Variants in CEMIP2 observed in about 807,000 individuals in gnomAD.
CEMIP2 encodes the protein cell migration inducing hyaluronidase 2.
Under a neutral mutation model 146.9 loss-of-function variants are expected in CEMIP2, and 79 were observed. The ratio of observed to expected loss-of-function variants is 0.54; its 90% confidence interval spans 0.45 to 0.65. The LOEUF (loss-of-function observed/expected upper bound fraction) is 0.65. CEMIP2 is among the 30% of genes least tolerant of loss of function. CEMIP2 has a pLI of 0.00. For missense variants in CEMIP2, 1,596 were observed against 1,696.2 expected, an observed-to-expected ratio of 0.94 and a Z score of 1.04; for synonymous variants, 601 against 606.3, an observed-to-expected ratio of 0.99 and a Z score of 0.13.
At chr9:71,696,883 GA>G (rs56785036) in intron 20 of CEMIP2, among the ~76,000 whole-genome samples, 3 of 147,410 alleles carry the variant, frequency 2.0e-5, no homozygotes, top group South Asian at 4.3e-4. Context: ...TATAAATAAT[GA>G]AAAAAAAAAG....
chr9:71,745,015 T>C lies in CEMIP2; in HGVS notation c.1034+3A>G, dbSNP rs1366069534. 1.2e-6 allele frequency: 2 copies of C among 1,611,870 alleles called. No individual in the cohort carries two copies. Among genetic ancestry groups the C allele is most frequent in the Non-Finnish European group, 1.7e-6 (2 of 1,178,918 alleles). ...TAGGGATCTGGGAAGAAGGTATGCC[T>C]ACCTGTAGCCCAGTCCTTGGATCAG... is the stretch of plus-strand genomic sequence containing the variant. On this transcript the variant is annotated splice_donor_region_variant and intron_variant, in intron 4 of 23. Transcript: ENST00000377044.
rs746067673 is a variant in CEMIP2 at position 71,740,145 on chromosome 9, G to A, written c.1122C>T (p.Gly374=). Reference sequence around the variant, plus strand: ...ATTCTCTTTGGGCAAGAGCCTTCCCGCCACTGCTATGATTTTCATAGTTTC... The same window carrying A: ...ATTCTCTTTGGGCAAGAGCCTTCCCACCACTGCTATGATTTTCATAGTTTC... The part of the protein sequence containing the change: ...SVRNYENHSS[G]GKALAQREFY... Residue 374 remains glycine, a synonymous_variant, in exon 5 of 24, where the codon GGC becomes GGT. Transcript: ENST00000377044. The A allele has an allele frequency of 2.5e-5, 41 of 1,613,806 alleles. No homozygotes were observed. Among genetic ancestry groups the A allele is most frequent in the Middle Eastern group, 3.3e-4 (2 of 6,084 alleles).
intron 16 of CEMIP2, among the ~76,000 whole-genome samples, chr9:71,711,393 A>AT (rs1000196147): frequency 6.0e-5 from 7 of 116,116 alleles, no homozygotes; most frequent in Non-Finnish European, 1.2e-4. Flanking sequence ...CCCTTTCTCT[A>AT]TTAAAAAAAA....
At chr9:71,690,272 T>C (rs754582039) in intron 21 of CEMIP2, 26 bp from the exon 22 acceptor site, 1 of 1,606,628 alleles carries the variant, frequency 6.2e-7, no homozygotes, top group East Asian at 2.2e-5. Context: ...CATCTTCTGC[T>C]GTCATCATCA....
chr9:71,728,289 A>ATATATATATACG (rs1554684756), intron 10 of CEMIP2, among the ~76,000 whole-genome samples: 1 of 31,126 alleles, frequency 3.2e-5, no homozygotes, highest in South Asian at 1.7e-3. Flanking sequence ...ATGTATATAT[A>ATATATATATACG]TATATATATA....
intron 21 of CEMIP2, among the ~76,000 whole-genome samples, chr9:71,692,116 A>G (rs1042303670): frequency 1.3e-5 from 2 of 151,330 alleles, no homozygotes; most frequent in Non-Finnish European, 2.9e-5. Flanking sequence ...CTTAAAAAAA[A>G]AAAGAAAAAA....
intron 1 of CEMIP2, among the ~76,000 whole-genome samples, chr9:71,750,913 A>C (rs1364641510): frequency 1.3e-5 from 2 of 151,346 alleles, no homozygotes; most frequent in Non-Finnish European, 2.9e-5. Flanking sequence ...TGATTGGCTA[A>C]TTTTTAAATT....
chr9:71,699,680 C>T (rs1415839922), intron 19 of CEMIP2, among the ~76,000 whole-genome samples: 3 of 152,074 alleles, frequency 2.0e-5, no homozygotes, highest in Non-Finnish European at 2.9e-5. Context: ...CTTGCCTTTC[C>T]CCAAACACGC....
At chr9:71,689,737 T>C (rs1822171483) in intron 22 of CEMIP2, among the ~76,000 whole-genome samples, 2 of 152,182 alleles carry the variant, frequency 1.3e-5, no homozygotes, top group Non-Finnish European at 2.9e-5. Context: ...TATATCAACT[T>C]AATACTAAAA....
intron 1 of CEMIP2, among the ~76,000 whole-genome samples, chr9:71,755,381 A>ACACACACACACACACACAC (rs55856832): frequency 8.0e-5 from 12 of 149,228 alleles, no homozygotes; most frequent in African/African-American, 2.5e-4. Context: ...ACACACACAC[A>ACACACACACACACACACAC]AAATTAAATC....
At chr9:71,710,377 C>G (rs915423413) in intron 16 of CEMIP2, among the ~76,000 whole-genome samples, 1 of 152,206 alleles carries the variant, frequency 6.6e-6, no homozygotes, top group Non-Finnish European at 1.5e-5. Context: ...AAATGATAAG[C>G]AACTCAATGG....
intron 4 of CEMIP2, among the ~76,000 whole-genome samples, chr9:71,741,081 C>T (rs1175010945): frequency 6.6e-6 from 1 of 151,976 alleles, no homozygotes; most frequent in Non-Finnish European, 1.5e-5. Flanking sequence ...GAGTCTTATC[C>T]TTCTTTTATC....
chr9:71,718,085 G>T lies in CEMIP2; in HGVS notation c.2268-6C>A. 1 of 1,587,038 alleles carries T rather than the reference G, an allele frequency of 6.3e-7. No individual in the cohort carries two copies. Among genetic ancestry groups the T allele is most frequent in the Non-Finnish European group, 8.6e-7 (1 of 1,168,234 alleles). Reference sequence around the variant, plus strand: ...CATCCTGATGAGGTCGAAATCTAGGGGTTAAAAAAAGAATTTTAAAAAATA... The same window carrying T: ...CATCCTGATGAGGTCGAAATCTAGGTGTTAAAAAAAGAATTTTAAAAAATA... On this transcript the variant is annotated splice_polypyrimidine_tract_variant and splice_region_variant and intron_variant, in intron 12 of 23. Coordinates refer to ENST00000377044, the MANE Select transcript of CEMIP2 (RefSeq NM_013390.3).
At chr9:71,734,208 G>GGTTTTTTTTT (rs374206725) in intron 6 of CEMIP2, among the ~76,000 whole-genome samples, 25 of 144,232 alleles carry the variant, frequency 1.7e-4, no homozygotes, top group African/African-American at 5.1e-4. Context: ...ATGAGTTTTT[G>GGTTTTTTTTT]TTTTTGTTTT....
intron 21 of CEMIP2, among the ~76,000 whole-genome samples, chr9:71,691,889 T>C (rs1457512770): frequency 6.6e-6 from 1 of 152,060 alleles, no homozygotes; most frequent in Non-Finnish European, 1.5e-5. Flanking sequence ...GTGGATCACC[T>C]GAGGTCAGGA....
intron 20 of CEMIP2, among the ~76,000 whole-genome samples, chr9:71,695,199 T>C (rs781396572): frequency 3.1e-4 from 47 of 152,214 alleles, no homozygotes; most frequent in Admixed American, 3.3e-4. Flanking sequence ...CCTTTGCTGA[T>C]GCTGTTCCCT....
chr9:71,715,025 C>A lies in CEMIP2; in HGVS notation c.2500G>T (p.Glu834Ter). ...QEVSESLFVGESRNYGFQGGQ... is the reference protein window; with the variant it reads ...QEVSESLFVG The stretch of plus-strand genomic sequence containing the variant: ...CCCTGAAAGCCGTAATTCCTGCTCT[C>A]CCCAACAAAGAGAGATTCAGATACC... The change falls in exon 15 of 24, where the codon GAG (glutamate) becomes TAG (stop). Residue 834 changes from glutamate (E) to a stop codon, truncating the protein, a stop_gained. Transcript: ENST00000377044. LOFTEE classifies it high-confidence loss of function. 6.2e-7 allele frequency: 1 copy of A among 1,614,008 alleles called. No individual in the cohort carries two copies. The highest frequency in any genetic ancestry group is 8.5e-7 in the Non-Finnish European group (1 of 1,179,940).
At chr9:71,736,242 T>C (rs1823756447) in intron 5 of CEMIP2, among the ~76,000 whole-genome samples, 1 of 152,222 alleles carries the variant, frequency 6.6e-6, no homozygotes, top group Non-Finnish European at 1.5e-5. Context: ...CTTTAAGGAC[T>C]TCCCAAACAT....
intron 5 of CEMIP2, among the ~76,000 whole-genome samples, chr9:71,736,812 A>G (rs1173353721): frequency 6.6e-6 from 1 of 152,240 alleles, no homozygotes; most frequent in Non-Finnish European, 1.5e-5. Flanking sequence ...TTCAAAAGAT[A>G]GCTGTTTAAT....
Sources: gnomAD v4.1 joint callset for allele counts (sites outside exome capture counted in the v4.1 genomes callset) on GRCh38, gnomAD v4.1.1 for gene constraint, MANE v1.5 for transcripts, NCBI Gene and HGNC (gene_info 2026-07-23, HGNC 2026-07-21) for gene names.